CHST9: variants seen among roughly 807,000 people sequenced by gnomAD.
CHST9 encodes GalNAc-4-sulfotransferase 2.
A neutral mutation model predicts 44.4 loss-of-function variants in CHST9; 41 were observed. That is an observed-to-expected ratio of 0.92 (90% CI 0.72 to 1.20). The LOEUF (loss-of-function observed/expected upper bound fraction) is 1.20, where lower values mean the gene tolerates loss of function less well. Ranked by LOEUF, CHST9 falls within the 50% of genes most tolerant of loss-of-function variation. The pLI, the probability that CHST9 is intolerant of heterozygous loss-of-function variation, is 0.00. For synonymous variants in CHST9, 171 were observed against 178.4 expected (o/e 0.96, Z 0.33); for missense variants, 504 against 516.5 (o/e 0.98, Z 0.23).
At chr18:27,036,776 A>T (rs78333768) in intron 3 of CHST9, among the ~76,000 whole-genome samples, 5,448 of 152,106 alleles carry the variant, frequency 0.036, 319 homozygotes, top group African/African-American at 0.12. Context: ...TATTTTTTTT[A>T]AAATTTTATT....
At chr18:27,173,415 T>C (rs183818723) in intron 1 of CHST9, among the ~76,000 whole-genome samples, 279 of 152,204 alleles carry the variant, frequency 1.8e-3, no homozygotes, top group Non-Finnish European at 3.0e-3. Flanking sequence ...AATCTCATAC[T>C]TTGTTTTGTA....
At chr18:27,076,643 A>G (rs1007298906) in intron 2 of CHST9, among the ~76,000 whole-genome samples, 1 of 152,242 alleles carries the variant, frequency 6.6e-6, no homozygotes, top group Admixed American at 6.5e-5. Flanking sequence ...AGACCATTCT[A>G]TCCACAGCTT....
chr18:26,940,373 G>T (rs151252), intron 5 of CHST9, among the ~76,000 whole-genome samples: 1 of 152,102 alleles, frequency 6.6e-6, no homozygotes, highest in East Asian at 1.9e-4. Flanking sequence ...TAGGATTGGA[G>T]ATGGGGTCTC....
chr18:27,019,845 T>G (rs987802977), intron 4 of CHST9, among the ~76,000 whole-genome samples: 1 of 152,144 alleles, frequency 6.6e-6, no homozygotes, highest in Admixed American at 6.5e-5. Flanking sequence ...TACTAAAATC[T>G]GTGAGATATG....
intron 3 of CHST9, among the ~76,000 whole-genome samples, chr18:27,034,880 A>G (rs554816159): frequency 1.3e-5 from 2 of 152,330 alleles, no homozygotes; most frequent in Non-Finnish European, 2.9e-5. Context: ...TAAAAAATTG[A>G]AAGTGGAAAA....
intron 3 of CHST9, among the ~76,000 whole-genome samples, chr18:27,029,035 C>T (rs1019074603): frequency 6.6e-6 from 1 of 152,022 alleles, no homozygotes; most frequent in Non-Finnish European, 1.5e-5. Flanking sequence ...ATTTGGCCTC[C>T]AAGTCTAGAA....
rs560833590 is a variant in CHST9, at chr18:26,915,801, T to C, written c.*458A>G. ...TCACTTCAAAATGGATTTATCATTA[T>C]AGTTGATAGAAAGATTTCCAGGGTG... On this transcript the variant is annotated 3_prime_UTR_variant, in exon 6 of 6. Transcript: ENST00000618847. 6.5e-6 allele frequency: 1 copy of C among 154,212 alleles called. No homozygotes were observed. Among genetic ancestry groups the C allele is most frequent in the South Asian group, 2.0e-4 (1 of 4,922 alleles). The allele number at this position is 154,212 out of a possible 1,614,324, so 9.6% of individuals were successfully genotyped here.
chr18:27,175,505 A>C (rs115506267), intron 1 of CHST9, among the ~76,000 whole-genome samples: 1,705 of 152,232 alleles, frequency 0.011, 40 homozygotes, highest in African/African-American at 0.038. Context: ...AGCAACACCC[A>C]AACCACATCT....
At chr18:26,978,118 T>C (rs2056646288) in intron 4 of CHST9, among the ~76,000 whole-genome samples, 1 of 149,498 alleles carries the variant, frequency 6.7e-6, no homozygotes, top group South Asian at 2.2e-4. Context: ...TGTAAAATTT[T>C]GTTCAAAGTG....
chr18:27,084,553 G>T (rs1053082300), intron 2 of CHST9, among the ~76,000 whole-genome samples: 2 of 150,122 alleles, frequency 1.3e-5, no homozygotes, highest in African/African-American at 4.9e-5. Flanking sequence ...TTCTTTATCA[G>T]TCTAGTTAGT....
chr18:27,161,800 T>C (rs370595067), intron 1 of CHST9, among the ~76,000 whole-genome samples: 1 of 152,146 alleles, frequency 6.6e-6, no homozygotes, highest in Admixed American at 6.5e-5. Context: ...TCCTGTATTG[T>C]GTGCATATAT....
chr18:27,001,847 T>C (rs891004606), intron 4 of CHST9, among the ~76,000 whole-genome samples: 1 of 151,904 alleles, frequency 6.6e-6, no homozygotes, highest in Non-Finnish European at 1.5e-5. Flanking sequence ...AGGAATGGCA[T>C]AGAATCAGAA....
intron 2 of CHST9, among the ~76,000 whole-genome samples, chr18:27,101,364 G>C (rs980249130): frequency 6.6e-6 from 1 of 152,058 alleles, no homozygotes; most frequent in Non-Finnish European, 1.5e-5. Context: ...GGCCGAGGCG[G>C]GTGGATCACG....
intron 4 of CHST9, among the ~76,000 whole-genome samples, chr18:26,996,431 T>C (rs972766044): frequency 1.3e-5 from 2 of 152,130 alleles, no homozygotes; most frequent in African/African-American, 2.4e-5. Flanking sequence ...GTCCTCATGA[T>C]AGTGAGTGAG....
At chr18:27,089,608 T>C (rs2058047520) in intron 2 of CHST9, among the ~76,000 whole-genome samples, 1 of 152,190 alleles carries the variant, frequency 6.6e-6, no homozygotes, top group Non-Finnish European at 1.5e-5. Context: ...CATGTGCATA[T>C]GTCTTTATAG....
intron 4 of CHST9, among the ~76,000 whole-genome samples, chr18:26,978,639 T>C (rs1425335194): frequency 6.6e-6 from 1 of 152,204 alleles, no homozygotes; most frequent in African/African-American, 2.4e-5. Context: ...ACTTCCAGTG[T>C]TGCTTCTAAC....
Position 27,084,457 on chromosome 18 carries a change from G to GT in CHST9, c.122-35955_122-35954insA, listed in dbSNP as rs1568165560. 6.2e-5 allele frequency among the ~76,000 whole-genome samples: 4 copies of GT among 64,954 alleles called. No individual in the cohort carries two copies. In the East Asian group the frequency reaches 2.2e-3, roughly 36 times the overall value. The allele number at this position is 64,954 out of a possible 152,430, so 42.6% of individuals were successfully genotyped here. On this transcript the variant is annotated intron_variant, in intron 2 of 5. Coordinates refer to ENST00000618847, the MANE Select transcript of CHST9 (RefSeq NM_031422.6). ...ATAGTGGTGTTCATAACACTCGCTG[G>GT]GTTTTTTTTTTTTTATTTCTGTGGG...
intron 1 of CHST9, 56 bp downstream of exon 1, chr18:27,185,080 A>C (rs1261246780): frequency 6.6e-6 from 1 of 151,768 alleles, no homozygotes; most frequent in East Asian, 2.0e-4. Flanking sequence ...GCAGCGCGCC[A>C]TCATCTCTGC....
Position 26,956,489 on chromosome 18 carries a change from T to G in CHST9, c.203-12123A>C, listed in dbSNP as rs13339738. ...TACAATTATATATATAATATACAAT[T>G]TTTTATATATATACACACACACAAT... On this transcript the variant is annotated intron_variant, in intron 4 of 5. Coordinates refer to ENST00000618847, the MANE Select transcript of CHST9 (RefSeq NM_031422.6). Among the ~76,000 whole-genome samples the G allele has an allele frequency of 1.3e-3, 199 of 148,708 alleles. 1 individual carries two copies. Among genetic ancestry groups the G allele is most frequent in the African/African-American group, 4.6e-3 (188 of 40,912 alleles).
Sources: allele counts gnomAD v4.1 joint callset (sites outside exome capture counted in the v4.1 genomes callset), GRCh38; gene constraint gnomAD v4.1.1; transcripts MANE v1.5; gene names NCBI Gene and HGNC (gene_info 2026-07-23, HGNC 2026-07-21).